USP7: variants seen among roughly 807,000 people sequenced by gnomAD.
USP7 encodes the protein ubiquitin C-terminal hydrolase 7.
USP7 carries 9 observed loss-of-function variants against 162.9 expected under a neutral mutation model. The ratio of observed to expected loss-of-function variants is 0.06; its 90% CI spans 0.03 to 0.10. USP7 has a LOEUF of 0.10. USP7 is among the 10% of genes least tolerant of loss of function. USP7 has a pLI of 1.00. For synonymous variants in USP7, 562 were observed against 475.9 expected (o/e 1.18, Z -2.35); for missense variants, 715 against 1,373.7 (o/e 0.52, Z 7.58).
At chr16:8,956,789 AC>A (rs1462141736) in intron 1 of USP7, among the ~76,000 whole-genome samples, 10 of 143,076 alleles carry the variant, frequency 7.0e-5, no homozygotes, top group South Asian at 4.3e-4. Context: ...AAAAAAAAAA[AC>A]ACTGAATTTG....
intron 1 of USP7, among the ~76,000 whole-genome samples, chr16:8,942,053 C>G (rs1899069560): frequency 6.6e-6 from 1 of 152,224 alleles, no homozygotes; most frequent in African/African-American, 2.4e-5. Context: ...GCCTGCCGGC[C>G]AGAGATGGAA....
At chr16:8,927,107 C>G (rs1898048472) in intron 2 of USP7, among the ~76,000 whole-genome samples, 6 of 152,068 alleles carry the variant, frequency 3.9e-5, no homozygotes. Flanking sequence ...ATCATGAGGT[C>G]AGGAGTGCGA....
intron 11 of USP7, 34 bp downstream of exon 11, chr16:8,910,711 A>G (rs762335665): frequency 2.5e-6 from 4 of 1,577,552 alleles, no homozygotes; most frequent in African/African-American, 2.7e-5. Flanking sequence ...GAAGAACGCT[A>G]CAACAGGACA....
In USP7 at chr16:8,902,487, A is replaced by G. The variant is rs1480142343; in HGVS notation, c.1840-5T>C. 6.2e-7 allele frequency: 1 copy of G among 1,612,800 alleles called. No individual in the cohort carries two copies. The highest frequency in any genetic ancestry group is 2.2e-5 in the East Asian group (1 of 44,890). Reference sequence around the variant, plus strand: ...AATTTGATCTTGTGGAAATCCCTGAAAAAAATATTAAGAGTAGATTAAAAT... The same window carrying G: ...AATTTGATCTTGTGGAAATCCCTGAGAAAAATATTAAGAGTAGATTAAAAT... On this transcript the variant is annotated splice_region_variant and splice_polypyrimidine_tract_variant and intron_variant, in intron 16 of 30. Transcript: ENST00000344836.
chr16:8,936,716 CTTT>C (rs773588340), intron 1 of USP7: 10 of 1,415,766 alleles, frequency 7.1e-6, no homozygotes, highest in Middle Eastern at 2.2e-4. Context: ...CCTCAGCATT[CTTT>C]TTTATTTTTT....
chr16:8,896,939 G>T (rs2061690438), intron 26 of USP7, 60 bp downstream of exon 26: 2 of 1,293,060 alleles, frequency 1.5e-6, no homozygotes, highest in Admixed American at 1.7e-5. Flanking sequence ...CAACTGCAGA[G>T]GTCAGCGTTA....
intron 1 of USP7, among the ~76,000 whole-genome samples, chr16:8,942,374 C>G (rs925649581): frequency 6.6e-6 from 1 of 152,126 alleles, no homozygotes; most frequent in Non-Finnish European, 1.5e-5. Flanking sequence ...TCTGTCCCAC[C>G]CTTATCACAT....
chr16:8,953,318 G>A (rs1450686102), intron 1 of USP7, among the ~76,000 whole-genome samples: 1 of 152,076 alleles, frequency 6.6e-6, no homozygotes. Flanking sequence ...GTAGAGTTGA[G>A]ACCATAACCC....
At chr16:8,903,512 G>T in intron 15 of USP7, 110 bp from the exon 16 acceptor site, 2 of 1,321,512 alleles carry the variant, frequency 1.5e-6, no homozygotes, top group Non-Finnish European at 2.0e-6. Flanking sequence ...TTGTTCCAAA[G>T]AAACTTCTTC....
intron 2 of USP7, among the ~76,000 whole-genome samples, chr16:8,926,876 C>G (rs1486798783): frequency 6.6e-6 from 1 of 152,004 alleles, no homozygotes; most frequent in African/African-American, 2.4e-5. Flanking sequence ...ATAACTCTCA[C>G]TACCTTCCAA....
intron 13 of USP7, 23 bp from the exon 14 acceptor site, chr16:8,905,354 C>G (rs188598889): frequency 6.2e-7 from 1 of 1,610,494 alleles, no homozygotes; most frequent in East Asian, 2.2e-5. Context: ...CAACACACAC[C>G]AGCAGCGATC....
At chr16:8,919,983 C>A (rs1311103719) in intron 5 of USP7, among the ~76,000 whole-genome samples, 1 of 152,180 alleles carries the variant, frequency 6.6e-6, no homozygotes, top group Non-Finnish European at 1.5e-5. Context: ...TTCCCCCAGT[C>A]CCCCCTTCCT....
intron 1 of USP7, chr16:8,962,363 C>G (rs998569002): frequency 8.9e-5 from 20 of 223,622 alleles, no homozygotes; most frequent in Non-Finnish European, 1.7e-4. Flanking sequence ...TCCCTAAATC[C>G]AACACCCTTC....
At chr16:8,946,415 T>C (rs1256540416) in intron 1 of USP7, among the ~76,000 whole-genome samples, 1 of 152,098 alleles carries the variant, frequency 6.6e-6, no homozygotes, top group African/African-American at 2.4e-5. Flanking sequence ...ACCGCATCTC[T>C]AAATAAAGAA....
chr16:8,935,449 G>A (rs1898650116), intron 1 of USP7, among the ~76,000 whole-genome samples: 1 of 152,184 alleles, frequency 6.6e-6, no homozygotes, highest in African/African-American at 2.4e-5. Flanking sequence ...GACCTCAGGT[G>A]ATCTGCGCAC....
intron 2 of USP7, among the ~76,000 whole-genome samples, chr16:8,925,928 G>A (rs188084950): frequency 4.6e-5 from 7 of 152,218 alleles, no homozygotes; most frequent in Middle Eastern, 3.4e-3. Context: ...GCAGAGGCGG[G>A]TGGATCACGA....
Position 8,899,195 on chromosome 16 carries a change from C to T in USP7, c.2464-7G>A. ...GTGCAACTGTCTTTGCAACCTAAGA[C>T]ACAGAAAGGAAGGTTCACATTTTGG... On this transcript the variant is annotated splice_polypyrimidine_tract_variant and splice_region_variant and intron_variant, in intron 22 of 30. Coordinates refer to ENST00000344836, the MANE Select transcript of USP7 (RefSeq NM_003470.3). 6.2e-7 allele frequency: 1 copy of T among 1,613,696 alleles called. No homozygotes were observed. The highest frequency in any genetic ancestry group is 1.3e-5 in the African/African-American group (1 of 75,022).
chr16:8,920,558 T>G, intron 4 of USP7, 111 bp from the exon 5 acceptor site: 14 of 877,352 alleles, frequency 1.6e-5, no homozygotes, highest in South Asian at 5.7e-5. Flanking sequence ...TACTTTTTTT[T>G]TAAATACATC....
intron 30 of USP7, 73 bp from the exon 31 acceptor site, chr16:8,894,177 G>A: frequency 7.2e-7 from 1 of 1,389,462 alleles, no homozygotes; most frequent in Non-Finnish European, 1.0e-6. Context: ...GGTGGCCAGT[G>A]AGGCATGCAT....
Sources: gnomAD v4.1 joint callset for allele counts (sites outside exome capture counted in the v4.1 genomes callset) on GRCh38, gnomAD v4.1.1 for gene constraint, MANE v1.5 for transcripts, NCBI Gene and HGNC (gene_info 2026-07-23, HGNC 2026-07-21) for gene names.